CCDC171: variants seen among roughly 807,000 people sequenced by gnomAD.
CCDC171 encodes coiled-coil domain containing 171.
CCDC171 carries 177 observed loss-of-function variants against 168.2 expected under a neutral mutation model. The ratio of observed to expected loss-of-function variants is 1.05; its 90% CI spans 0.93 to 1.19. CCDC171 has a LOEUF of 1.19. CCDC171 is among the 50% of genes most tolerant of loss of function. The pLI, the probability that CCDC171 is intolerant of heterozygous loss-of-function variation, is 0.00. For synonymous variants in CCDC171, 687 were observed against 540.8 expected, an observed-to-expected ratio of 1.27 and a Z score of -3.75; for missense variants, 1,991 against 1,539.0, an observed-to-expected ratio of 1.29 and a Z score of -4.91.
intron 21 of CCDC171, among the ~76,000 whole-genome samples, chr9:15,844,541 A>G (rs993805909): frequency 2.0e-5 from 3 of 152,040 alleles, no homozygotes; most frequent in Admixed American, 6.6e-5. Context: ...TGAGAATTCT[A>G]TGTCTATAAG....
intron 21 of CCDC171, among the ~76,000 whole-genome samples, chr9:15,833,496 GTC>G (rs1410542373): frequency 1.3e-5 from 2 of 152,116 alleles, no homozygotes; most frequent in Non-Finnish European, 2.9e-5. Flanking sequence ...TGTTGAATAA[GTC>G]TTTCATTTCT....
intron 3 of CCDC171, among the ~76,000 whole-genome samples, chr9:15,989,142 G>A (rs1002063065): frequency 3.9e-5 from 6 of 152,128 alleles, no homozygotes; most frequent in South Asian, 2.1e-4. Context: ...CAAGTGGGTC[G>A]CTGACCCCCG....
chr9:15,790,342 G>A (rs1324061101), intron 21 of CCDC171, among the ~76,000 whole-genome samples: 1 of 152,070 alleles, frequency 6.6e-6, no homozygotes, highest in Non-Finnish European at 1.5e-5. Context: ...TTCTCTAATG[G>A]CCAGTGATGA....
At chr9:15,644,913 G>C (rs1253268567) in intron 7 of CCDC171, among the ~76,000 whole-genome samples, 1 of 152,232 alleles carries the variant, frequency 6.6e-6, no homozygotes, top group African/African-American at 2.4e-5. Flanking sequence ...CCAGCATGGA[G>C]TTTGAGATCT....
intron 2 of CCDC171, among the ~76,000 whole-genome samples, chr9:15,569,474 C>CT (rs1455953072): frequency 1.3e-5 from 2 of 152,080 alleles, no homozygotes; most frequent in East Asian, 1.9e-4. Context: ...CATTCTGCAC[C>CT]TTTTTTTAGA....
At chr9:15,612,766 AT>A (rs2043794625) in intron 6 of CCDC171, among the ~76,000 whole-genome samples, 2 of 152,194 alleles carry the variant, frequency 1.3e-5, no homozygotes, top group South Asian at 4.2e-4. Context: ...ATTCTTTGCA[AT>A]TTCCTGATAC....
intron 21 of CCDC171, among the ~76,000 whole-genome samples, chr9:15,842,791 T>A (rs73644957): frequency 6.6e-6 from 1 of 151,896 alleles, no homozygotes; most frequent in Non-Finnish European, 1.5e-5. Flanking sequence ...TATTTTATAA[T>A]TAATTAAAAA....
intron 1 of CCDC171, among the ~76,000 whole-genome samples, chr9:16,045,619 G>A (rs1833648619): frequency 6.6e-6 from 1 of 152,194 alleles, no homozygotes; most frequent in Non-Finnish European, 1.5e-5. Flanking sequence ...CATGCTCTGA[G>A]ATGGTAAAGG....
At chr9:15,841,172 T>A (rs2060665217) in intron 21 of CCDC171, among the ~76,000 whole-genome samples, 2 of 152,088 alleles carry the variant, frequency 1.3e-5, no homozygotes, top group Admixed American at 6.6e-5. Flanking sequence ...GGCCTATTTA[T>A]AAAAGTAACG....
chr9:15,728,163 C>T, intron 15 of CCDC171, 127 bp downstream of exon 15: 2 of 703,710 alleles, frequency 2.8e-6, no homozygotes, highest in Non-Finnish European at 4.5e-6. Flanking sequence ...AATTCAATAC[C>T]ATTAATTATG....
intron 3 of CCDC171, among the ~76,000 whole-genome samples, chr9:16,003,999 C>G (rs1033359958): frequency 6.6e-6 from 1 of 152,190 alleles, no homozygotes; most frequent in African/African-American, 2.4e-5. Flanking sequence ...CCTTTTACCT[C>G]TCACTGCAGG....
chr9:15,694,159 G>T (rs2051034794), intron 10 of CCDC171, among the ~76,000 whole-genome samples: 1 of 151,830 alleles, frequency 6.6e-6, no homozygotes, highest in Admixed American at 6.6e-5. Flanking sequence ...AGTTTTGTTT[G>T]CTGACTTCTT....
chr9:15,752,985 G>A (rs1267765777), intron 18 of CCDC171, among the ~76,000 whole-genome samples: 1 of 152,022 alleles, frequency 6.6e-6, no homozygotes, highest in African/African-American at 2.4e-5. Flanking sequence ...TCTTGTTTAT[G>A]TTATTAATTT....
intron 24 of CCDC171, among the ~76,000 whole-genome samples, chr9:15,905,379 C>T (rs142185097): frequency 0.012 from 1,763 of 152,224 alleles, 38 homozygotes; most frequent in African/African-American, 0.04. Flanking sequence ...CACTCACAAC[C>T]GCTCAACTAC....
At chr9:15,956,702 A>G (rs1451889106) in intron 25 of CCDC171, among the ~76,000 whole-genome samples, 1 of 152,186 alleles carries the variant, frequency 6.6e-6, no homozygotes, top group East Asian at 1.9e-4. Context: ...CATATATTCA[A>G]GTACAATGTA....
intron 20 of CCDC171, among the ~76,000 whole-genome samples, chr9:15,780,748 C>A (rs1323852370): frequency 1.3e-5 from 2 of 152,130 alleles, no homozygotes; most frequent in Non-Finnish European, 2.9e-5. Flanking sequence ...ACTTAAAGTA[C>A]TGTAATCATT....
intron 7 of CCDC171, among the ~76,000 whole-genome samples, chr9:15,633,646 C>A (rs762873491): frequency 1.7e-4 from 26 of 152,140 alleles, no homozygotes; most frequent in Non-Finnish European, 7.3e-5. Flanking sequence ...ACTAGAAATA[C>A]CATTTGACCC....
intron 7 of CCDC171, among the ~76,000 whole-genome samples, chr9:15,624,559 G>A (rs764475867): frequency 3.3e-5 from 5 of 151,992 alleles, no homozygotes; most frequent in Non-Finnish European, 5.9e-5. Context: ...GAGAACATAC[G>A]GTGTTTGGTT....
At position 15,724,895 on chromosome 9, in the gene CCDC171, T is replaced by C. The variant is rs1476001721; in HGVS notation, c.1611T>C (p.Cys537=). 7 of 1,613,844 alleles carry C rather than the reference T, an allele frequency of 4.3e-6. No individual in the cohort carries two copies. Among genetic ancestry groups the C allele is most frequent in the African/African-American group, 1.3e-5 (1 of 74,900 alleles). Residue 537 remains cysteine, a synonymous_variant, in exon 14 of 26, where the codon TGT becomes TGC. Coordinates refer to ENST00000380701, the MANE Select transcript of CCDC171 (RefSeq NM_173550.4). ...TGGAACTACAAAATGTGCTGCACTG[T>C]TGGGAGAAAGAAAAGGCTCAGGCAG... ...LKVELQNVLH[C]WEKEKAQAAQ... is the part of the protein sequence containing the mutation.
Sources: allele counts gnomAD v4.1 joint callset (sites outside exome capture counted in the v4.1 genomes callset), GRCh38; gene constraint gnomAD v4.1.1; transcripts MANE v1.5; gene names NCBI Gene and HGNC (gene_info 2026-07-23, HGNC 2026-07-21).